The following DNAAF9 variants were observed in gnomAD, a reference collection of about 807,000 sequenced individuals.
DNAAF9 encodes the protein dynein axonemal assembly factor 9.
DNAAF9 carries 90 observed loss-of-function variants against 167.0 expected under a neutral mutation model. That is an observed-to-expected ratio of 0.54 (90% confidence interval 0.45 to 0.64). DNAAF9 has a LOEUF of 0.64. Among genes scored for constraint, DNAAF9 ranks in the 30% least tolerant of loss-of-function variants. The pLI is 0.00. For synonymous variants in DNAAF9, 491 were observed against 508.8 expected, an observed-to-expected ratio of 0.96 and a Z score of 0.47; for missense variants, 1,315 against 1,442.2, an observed-to-expected ratio of 0.91 and a Z score of 1.43.
intron 1 of DNAAF9, among the ~76,000 whole-genome samples, chr20:3,397,872 A>C (rs1254780318): frequency 6.6e-6 from 1 of 152,192 alleles, no homozygotes; most frequent in African/African-American, 2.4e-5. Flanking sequence ...TGTTTTACTT[A>C]ACGATTTTTG....
At chr20:3,360,415 C>T (rs920431449) in intron 6 of DNAAF9, among the ~76,000 whole-genome samples, 11 of 152,140 alleles carry the variant, frequency 7.2e-5, no homozygotes, top group Non-Finnish European at 1.5e-4. Flanking sequence ...CTGTGCCTGG[C>T]CCCCAAACTG....
At chr20:3,290,366 G>A in intron 25 of DNAAF9, 149 bp from the exon 26 acceptor site, 1 of 633,758 alleles carries the variant, frequency 1.6e-6, no homozygotes, top group Non-Finnish European at 2.9e-6. Flanking sequence ...GCCAATGACA[G>A]AACCTATATT....
In DNAAF9 at chr20:3,322,708, A is replaced by G. The variant is rs2069638969; in HGVS notation, c.1266-12T>C. 7 of 1,608,278 alleles carry G rather than the reference A, an allele frequency of 4.4e-6. No homozygotes were observed. Among genetic ancestry groups the G allele is most frequent in the Middle Eastern group, 1.7e-4 (1 of 6,052 alleles). On this transcript the variant is annotated splice_polypyrimidine_tract_variant and intron_variant, in intron 14 of 36. Coordinates refer to ENST00000252032, the MANE Select transcript of DNAAF9 (RefSeq NM_001009984.3). Reference sequence around the variant, plus strand: ...AAGTCATCTTGGAGCTGTAGACCAGAAACAAAACAAAAGAAAAATCAGTCT... The same window carrying G: ...AAGTCATCTTGGAGCTGTAGACCAGGAACAAAACAAAAGAAAAATCAGTCT...
chr20:3,379,197 T>G (rs1216821216), intron 3 of DNAAF9, among the ~76,000 whole-genome samples: 3 of 151,860 alleles, frequency 2.0e-5, no homozygotes. Context: ...AAACCTAAAG[T>G]AAGCATTCCC....
chr20:3,263,877 AGTCTTTGAAC>A (rs1305778036), intron 31 of DNAAF9, among the ~76,000 whole-genome samples: 1 of 152,228 alleles, frequency 6.6e-6, no homozygotes, highest in East Asian at 1.9e-4. Context: ...TAGAGAGTGG[AGTCTTTGAAC>A]AATAGCTAGC....
intron 6 of DNAAF9, among the ~76,000 whole-genome samples, chr20:3,372,770 G>A (rs539453116): frequency 1.3e-5 from 2 of 151,842 alleles, no homozygotes; most frequent in South Asian, 2.1e-4. Context: ...GCTCTTGAAC[G>A]GGGATGTACC....
rs1282242966 is a variant in DNAAF9 at position 3,250,864 on chromosome 20, G to C, written c.*1708C>G. On this transcript the variant is annotated 3_prime_UTR_variant, in exon 37 of 37. Coordinates refer to ENST00000252032, the MANE Select transcript of DNAAF9 (RefSeq NM_001009984.3). ...AAGTTTGAGTTTTTAAAAAGAGTTC[G>C]GTAGAGCTAAAGGAAGCTACAGTAA... 6.6e-6 allele frequency: 1 copy of C among 152,112 alleles called. No homozygotes were observed. The highest frequency in any genetic ancestry group is 2.4e-5 in the African/African-American group (1 of 41,416). 9.4% of individuals were successfully genotyped at this position (152,112 alleles called of 1,614,324 possible).
Position 3,355,655 on chromosome 20 carries a change from A to C in DNAAF9, c.690+3861T>G, listed in dbSNP as rs532824802. 4.5e-3 allele frequency among the ~76,000 whole-genome samples: 681 copies of C among 152,314 alleles called. 8 individuals are homozygous for C. The highest frequency in any genetic ancestry group is 0.016 in the African/African-American group (649 of 41,570). On this transcript the variant is annotated intron_variant, in intron 7 of 36. Transcript: ENST00000252032. ...TTTTAGCATCTATAGAGTCATTACA[A>C]AAGCCTCCAAGAGGAAAAATTCATA...
At chr20:3,391,071 T>C (rs1213405479) in intron 1 of DNAAF9, among the ~76,000 whole-genome samples, 1 of 152,236 alleles carries the variant, frequency 6.6e-6, no homozygotes, top group Non-Finnish European at 1.5e-5. Flanking sequence ...ACTGAAAAGT[T>C]TCCTTTCCAC....
rs1220990739 is a variant in DNAAF9, at chr20:3,340,600, G to C, written c.885C>G (p.Ser295=). 7.4e-6 allele frequency: 12 copies of C among 1,613,628 alleles called. No individual in the cohort carries two copies. Among genetic ancestry groups the C allele is most frequent in the African/African-American group, 1.3e-5 (1 of 74,898 alleles). The change falls in exon 10 of 37, where the codon TCC becomes TCG. Residue 295 remains serine (S), a synonymous_variant. Coordinates refer to ENST00000252032, the MANE Select transcript of DNAAF9 (RefSeq NM_001009984.3). The stretch of plus-strand genomic sequence containing the variant: ...TGCCAGCATTCAGGTTTTCTCGTGT[G>C]GAGTGATTACCAAAGAGAACAAATG... ...RQPFVLFGNH[S]TRENLNAGNF...
intron 8 of DNAAF9, among the ~76,000 whole-genome samples, chr20:3,345,313 A>C (rs764705227): frequency 9.2e-5 from 14 of 152,164 alleles, no homozygotes; most frequent in Non-Finnish European, 1.8e-4. Flanking sequence ...ATGTGTAAAA[A>C]CTATAGATTA....
chr20:3,407,419 C>A, intron 1 of DNAAF9, 56 bp downstream of exon 1: 1 of 1,246,876 alleles, frequency 8.0e-7, no homozygotes, highest in Non-Finnish European at 1.0e-6. Flanking sequence ...GTCGCCGGAC[C>A]CCGACAGCCC....
chr20:3,403,794 C>G (rs2084019709), intron 1 of DNAAF9, among the ~76,000 whole-genome samples: 1 of 151,780 alleles, frequency 6.6e-6, no homozygotes, highest in Non-Finnish European at 1.5e-5. Flanking sequence ...TTCAATTCTC[C>G]TCTCATTTTC....
intron 1 of DNAAF9, among the ~76,000 whole-genome samples, chr20:3,401,630 G>C (rs1429711073): frequency 1.3e-5 from 2 of 152,178 alleles, no homozygotes; most frequent in African/African-American, 4.8e-5. Flanking sequence ...TACTGAAGCA[G>C]TGTTTCATAA....
rs1206512817 is a variant in DNAAF9, at chr20:3,287,642, C to T, written c.2476G>A (p.Val826Met). 2 of 1,614,080 alleles carry T rather than the reference C, an allele frequency of 1.2e-6. No individual in the cohort carries two copies. The highest frequency in any genetic ancestry group is 2.2e-5 in the East Asian group (1 of 44,904). ...ACTTCCAATGCTCACCCTTGTAACA[C>T]CACCAGCAGTCTGGTCTTCTTGCGG... ...YIRKKTRLLV[V>M]LQGYTDVIDV... The change falls in exon 27 of 37, where the codon GTG becomes ATG. Residue 826 changes from valine to methionine, a missense_variant. Physicochemically the swap from Val to Met is conservative, Grantham distance 21. This residue lies in a region of DNAAF9 where 981 missense variants were observed against 1,012.5 expected (regional missense o/e 0.97). Transcript: ENST00000252032.
At chr20:3,316,701 C>A in intron 18 of DNAAF9, 22 bp downstream of exon 18, 3 of 1,584,898 alleles carry the variant, frequency 1.9e-6, no homozygotes, top group Non-Finnish European at 2.6e-6. Context: ...AGGTCCACTT[C>A]CACCTGATGA....
At chr20:3,341,862 C>G (rs2070092976) in intron 9 of DNAAF9, among the ~76,000 whole-genome samples, 1 of 152,136 alleles carries the variant, frequency 6.6e-6, no homozygotes, top group South Asian at 2.1e-4. Context: ...ACTGCAAGCT[C>G]CACCTCCCAG....
rs745857748 is a variant in DNAAF9, at chr20:3,348,634, AAG to A, written c.691-13_691-12del. On this transcript the variant is annotated splice_polypyrimidine_tract_variant and intron_variant, in intron 7 of 36. Coordinates refer to ENST00000252032, the MANE Select transcript of DNAAF9 (RefSeq NM_001009984.3). ...AAAAGCCACCAAATCCTGGGAAAAA[AAG>A]GAAAAAGATAACGTGTTTGGTCATA... is the stretch of plus-strand genomic sequence containing the variant. 2 of 1,556,140 alleles carry A rather than the reference AAG, an allele frequency of 1.3e-6. No homozygotes were observed. Among genetic ancestry groups the A allele is most frequent in the Admixed American group, 3.6e-5 (2 of 55,230 alleles).
intron 7 of DNAAF9, among the ~76,000 whole-genome samples, chr20:3,356,838 T>C (rs2083293172): frequency 6.6e-6 from 1 of 151,932 alleles, no homozygotes; most frequent in Non-Finnish European, 1.5e-5. Flanking sequence ...TCACCTTCCA[T>C]ATGACCAGGG....
Sources: gnomAD v4.1 joint callset for allele counts (sites outside exome capture counted in the v4.1 genomes callset) on GRCh38, gnomAD v4.1.1 for gene constraint, gnomAD v4.1.1 regional missense constraint, MANE v1.5 for transcripts, NCBI Gene and HGNC (gene_info 2026-07-23, HGNC 2026-07-21) for gene names.